Variants in NOD2 observed in about 807,000 individuals in gnomAD.
NOD2 encodes nucleotide-binding oligomerization domain-containing protein 2.
In NOD2, 86 loss-of-function variants were observed where a neutral mutation model predicts 90.9. The ratio of observed to expected loss-of-function variants is 0.95; its 90% CI spans 0.79 to 1.13. NOD2 has a LOEUF of 1.13. NOD2 is among the 50% of genes most tolerant of loss of function. NOD2 has a pLI of 0.00. For missense variants in NOD2, 1,238 were observed against 1,283.8 expected, an observed-to-expected ratio of 0.96 and a Z score of 0.55; for synonymous variants, 581 against 554.6, an observed-to-expected ratio of 1.05 and a Z score of -0.67.
rs116626119 is a variant in NOD2, at chr16:50,714,330, G to A, written c.2381+1957G>A. 3.3e-3 allele frequency among the ~76,000 whole-genome samples: 501 copies of A among 152,256 alleles called. 5 individuals carry two copies. The highest frequency in any genetic ancestry group is 0.011 in the African/African-American group (469 of 41,534). ...CAGACTGTGGTGTGTAAAGGCACTCGTGGCAATGCAGATTCCTGGGCCTGC... is the reference window on the plus strand; with the variant it reads ...CAGACTGTGGTGTGTAAAGGCACTCATGGCAATGCAGATTCCTGGGCCTGC... On this transcript the variant is annotated intron_variant, in intron 4 of 11. Transcript: ENST00000647318.
chr16:50,714,471 G>A (rs1336734757), intron 4 of NOD2, among the ~76,000 whole-genome samples: 1 of 152,150 alleles, frequency 6.6e-6, no homozygotes, highest in African/African-American at 2.4e-5. Context: ...CTACTGGTCT[G>A]CAGCAACCAG....
At chr16:50,725,446 A>G in intron 9 of NOD2, 43 bp from the exon 10 acceptor site, 3 of 1,482,312 alleles carry the variant, frequency 2.0e-6, no homozygotes, top group Non-Finnish European at 2.8e-6. Flanking sequence ...ATCTTCCATA[A>G]TCAATGTTGT....
intron 6 of NOD2, among the ~76,000 whole-genome samples, chr16:50,719,277 C>T (rs1435938634): frequency 6.6e-6 from 1 of 152,170 alleles, no homozygotes; most frequent in Non-Finnish European, 1.5e-5. Flanking sequence ...AGTGGCTTGA[C>T]GTTCCTTGAA....
intron 9 of NOD2, among the ~76,000 whole-genome samples, 185 bp downstream of exon 9, chr16:50,723,569 C>G (rs765725163): frequency 6.6e-6 from 1 of 152,162 alleles, no homozygotes; most frequent in African/African-American, 2.4e-5. Flanking sequence ...CTGGTATGTA[C>G]ATGCTAATTT....
intron 4 of NOD2, chr16:50,715,675 C>G (rs1477512662): frequency 6.6e-6 from 1 of 152,256 alleles, no homozygotes; most frequent in Non-Finnish European, 1.5e-5. Context: ...CTCGGCCTCC[C>G]AAAGTGCTGG....
Position 50,722,671 on chromosome 16 carries a change from G to T in NOD2, c.2683G>T (p.Ala895Ser). The T allele has an allele frequency of 6.2e-7, 1 of 1,614,252 alleles. No homozygotes were observed. Among genetic ancestry groups the T allele is most frequent in the Non-Finnish European group, 8.5e-7 (1 of 1,180,038 alleles). The stretch of plus-strand genomic sequence containing the variant: ...CGAGGGGGCCCAGGCCCTGGCTGAA[G>T]CCTTGGGTGATCACCAGAGCTTGAG... ...GDEGAQALAE[A>S]LGDHQSLRWL... Residue 895 changes from alanine to serine, a missense_variant, in exon 8 of 12, where the codon GCC (alanine) becomes TCC (serine). Ala to Ser is a moderately conservative substitution (Grantham distance 99, BLOSUM62 1). Around this residue, in one of 3 missense-constraint regions of NOD2, gnomAD observed 667 missense variants for 688.7 expected, o/e 0.97. Coordinates refer to ENST00000647318, the MANE Select transcript of NOD2 (RefSeq NM_001370466.1).
chr16:50,723,265 T>C (rs1567404118), intron 8 of NOD2, 36 bp from the exon 9 acceptor site: 2 of 1,599,352 alleles, frequency 1.3e-6, no homozygotes, highest in Non-Finnish European at 1.7e-6. Context: ...GGTCTTTCCC[T>C]GCTCTGACAT....
chr16:50,717,084 T>C (rs940151649), intron 6 of NOD2, 110 bp downstream of exon 6: 29 of 900,070 alleles, frequency 3.2e-5, no homozygotes, highest in Middle Eastern at 2.3e-4. Flanking sequence ...GACCTCCTGA[T>C]TGAATGCAGG....
Position 50,699,745 on chromosome 16 carries a change from C to T in NOD2, c.250C>T (p.Gln84Ter), listed in dbSNP as rs1280031955. The change falls in exon 2 of 12, where the codon CAG (glutamine) becomes TAG (stop). Residue 84 changes from glutamine (Q) to a stop codon, truncating the protein, a stop_gained. Coordinates refer to ENST00000647318, the MANE Select transcript of NOD2 (RefSeq NM_001370466.1). LOFTEE classifies it high-confidence loss of function. ...GCTCATCGCGGCTGCCCAAGAAGCC[C>T]AGGCCGACAGCCAGTCCCCCAAGCT... ...QKLIAAAQEA[Q>*]ADSQSPKLHG... is the part of the protein sequence containing the mutation. The T allele has an allele frequency of 6.2e-7, 1 of 1,614,022 alleles. No individual in the cohort carries two copies. Among genetic ancestry groups the T allele is most frequent in the Admixed American group, 1.7e-5 (1 of 60,020 alleles).
intron 6 of NOD2, chr16:50,719,639 C>T (rs73575762): frequency 0.016 from 8,976 of 559,732 alleles, 377 homozygotes; most frequent in African/African-American, 0.11. Flanking sequence ...CTCGCTGTCC[C>T]GGGGAAACCA....
rs760565996 is a variant in NOD2 at position 50,716,543 on chromosome 16, T to C, written c.2382-44T>C. On this transcript the variant is annotated intron_variant, in intron 4 of 11. Coordinates refer to ENST00000647318, the MANE Select transcript of NOD2 (RefSeq NM_001370466.1). ...GGGGGATTTGTAGATTTTTTTCTTGTCTTACTAGCTCCATTTTCAAATGTA... is the reference window on the plus strand; with the variant it reads ...GGGGGATTTGTAGATTTTTTTCTTGCCTTACTAGCTCCATTTTCAAATGTA... 18 of 1,551,914 alleles carry C rather than the reference T, an allele frequency of 1.2e-5. 1 individual carries two copies. In the Middle Eastern group the frequency reaches 6.7e-4, roughly 58 times the overall value.
chr16:50,726,526 G>A (rs551079863), intron 10 of NOD2, among the ~76,000 whole-genome samples: 4 of 152,332 alleles, frequency 2.6e-5, no homozygotes, highest in South Asian at 4.1e-4. Flanking sequence ...GGAAGTTGGG[G>A]TGAAGCCCGG....
At chr16:50,727,037 A>G (rs551382598) in intron 10 of NOD2, among the ~76,000 whole-genome samples, 1 of 151,962 alleles carries the variant, frequency 6.6e-6, no homozygotes, top group African/African-American at 2.4e-5. Context: ...CTACTCAGGA[A>G]GCTGAGGCAG....
At chr16:50,729,432 C>T (rs769788726) in intron 10 of NOD2, among the ~76,000 whole-genome samples, 4 of 152,110 alleles carry the variant, frequency 2.6e-5, no homozygotes, top group Non-Finnish European at 4.4e-5. Context: ...GATTCTTATG[C>T]TCGATGGCAC....
At chr16:50,717,185 G>C (rs1156964087) in intron 6 of NOD2, among the ~76,000 whole-genome samples, 3 of 152,210 alleles carry the variant, frequency 2.0e-5, no homozygotes, top group Admixed American at 6.5e-5. Flanking sequence ...CCTGTCTTTT[G>C]ACCTTTAGCC....
intron 1 of NOD2, among the ~76,000 whole-genome samples, chr16:50,695,284 G>T: frequency 6.6e-6 from 1 of 152,276 alleles, no homozygotes; most frequent in East Asian, 1.9e-4. Flanking sequence ...CAGACATTCA[G>T]ATTTGGGATA....
Position 50,710,928 on chromosome 16 carries a change from G to A in NOD2, c.936G>A (p.Met312Ile). Reference protein sequence around the residue: ...FPFSCRQLQCMAKPLSVRTLL... With the variant: ...FPFSCRQLQCIAKPLSVRTLL... ...TCAGCTGCCGGCAGCTGCAGTGCATGGCCAAACCACTCTCTGTGCGGACTC... is the reference window on the plus strand; with the variant it reads ...TCAGCTGCCGGCAGCTGCAGTGCATAGCCAAACCACTCTCTGTGCGGACTC... Residue 312 changes from methionine (M) to isoleucine (I), a missense_variant, in exon 4 of 12, where the codon ATG (methionine) becomes ATA (isoleucine). This residue lies in a region of NOD2 where 567 missense variants were observed against 577.3 expected (regional missense o/e 0.98). Transcript: ENST00000647318. 6.2e-7 allele frequency: 1 copy of A among 1,614,194 alleles called. No individual in the cohort carries two copies. The highest frequency in any genetic ancestry group is 8.5e-7 in the Non-Finnish European group (1 of 1,180,042).
At chr16:50,717,771 C>T (rs1424930207) in intron 6 of NOD2, among the ~76,000 whole-genome samples, 3 of 152,216 alleles carry the variant, frequency 2.0e-5, no homozygotes, top group African/African-American at 7.2e-5. Flanking sequence ...CCCTCAGACT[C>T]ACAAGCCTGG....
At chr16:50,699,428 C>G in intron 1 of NOD2, 60 bp from the exon 2 acceptor site, 2 of 1,507,112 alleles carry the variant, frequency 1.3e-6, no homozygotes, top group East Asian at 2.3e-5. Context: ...CTGGCCTTCC[C>G]TGACCACCCT....
Sources: allele counts gnomAD v4.1 joint callset (sites outside exome capture counted in the v4.1 genomes callset), GRCh38; gene constraint gnomAD v4.1.1; regional missense constraint gnomAD v4.1.1; transcripts MANE v1.5; gene names NCBI Gene and HGNC (gene_info 2026-07-23, HGNC 2026-07-21).